The following LARGE1 variants were observed in gnomAD, a reference collection of about 807,000 sequenced individuals.
LARGE1 encodes xylosyl- and glucuronyltransferase LARGE1.
A neutral mutation model predicts 87.6 loss-of-function variants in LARGE1; 43 were observed. The ratio of observed to expected loss-of-function variants is 0.49; its 90% CI spans 0.38 to 0.63. The LOEUF (loss-of-function observed/expected upper bound fraction) is 0.63. LARGE1 is among the 30% of genes least tolerant of loss of function. The probability of loss-of-function intolerance (pLI) is 0.00; values close to 1 mark genes in which losing one functional copy is unlikely to be tolerated. For synonymous variants in LARGE1, 434 were observed against 394.6 expected (o/e 1.10, Z -1.18); for missense variants, 802 against 1,000.2 (o/e 0.80, Z 2.67).
chr22:33,463,409 A>G (rs941096491), intron 6 of LARGE1, among the ~76,000 whole-genome samples: 1 of 152,234 alleles, frequency 6.6e-6, no homozygotes, highest in Non-Finnish European at 1.5e-5. Context: ...TACAAGATGT[A>G]CAAGACTTTA....
rs532626240 is a variant in LARGE1 at position 33,572,212 on chromosome 22, C to G, written c.616-7193G>C. ...ATTTTAAAAAATTAAAAAAAGAAGT[C>G]ATCCCAGCTGCAGAATGTTTGAAAA... On this transcript the variant is annotated intron_variant, in intron 5 of 14. Coordinates refer to ENST00000397394, the MANE Select transcript of LARGE1 (RefSeq NM_133642.5). The G allele has an allele frequency of 1.9e-5, 24 of 1,286,760 alleles. No homozygotes were observed. In the East Asian group the frequency reaches 7.8e-4, roughly 42 times the overall value. The allele number at this position is 1,286,760 out of a possible 1,614,324, so 79.7% of individuals were successfully genotyped here.
At chr22:33,162,016 G>T (rs1412823380), downstream of LARGE1, among the ~76,000 whole-genome samples, 1 of 152,144 alleles carries the variant, frequency 6.6e-6, no homozygotes, top group Non-Finnish European at 1.5e-5. Flanking sequence ...CATTCAACAA[G>T]TCTCTAGGAA....
At chr22:33,385,678 A>G (rs1393325356) in intron 7 of LARGE1, among the ~76,000 whole-genome samples, 3 of 148,214 alleles carry the variant, frequency 2.0e-5, no homozygotes, top group African/African-American at 7.3e-5. Flanking sequence ...CAGGTCAGTT[A>G]GAGCAAGCAG....
chr22:33,757,188 G>A (rs1013181963), intron 2 of LARGE1, among the ~76,000 whole-genome samples: 5 of 151,956 alleles, frequency 3.3e-5, no homozygotes, highest in African/African-American at 1.2e-4. Context: ...CAACTGAGTC[G>A]CTGAAACAGG....
chr22:33,861,146 C>T (rs536998119), intron 1 of LARGE1, among the ~76,000 whole-genome samples: 15 of 152,256 alleles, frequency 9.9e-5, no homozygotes, highest in Admixed American at 2.0e-4. Flanking sequence ...CCCATCTGTG[C>T]GGCAAGGAAA....
At chr22:33,541,083 A>AGGGGGGGG (rs1167300904) in intron 6 of LARGE1, among the ~76,000 whole-genome samples, 1 of 59,116 alleles carries the variant, frequency 1.7e-5, no homozygotes, top group Non-Finnish European at 3.4e-5. Context: ...GGCGGGTTGC[A>AGGGGGGGG]GGGGGAGAAT....
chr22:33,700,087 T>C (rs1218929052), intron 2 of LARGE1, among the ~76,000 whole-genome samples: 1 of 152,076 alleles, frequency 6.6e-6, no homozygotes, highest in Non-Finnish European at 1.5e-5. Context: ...GAGCATGAGA[T>C]TTGTTGCCTC....
At chr22:33,113,856 T>C in the LARGE1 span, among the ~76,000 whole-genome samples, 3 of 149,606 alleles carry the variant, frequency 2.0e-5, no homozygotes, top group Admixed American at 2.0e-4. Flanking sequence ...GCTCCTCTTC[T>C]GAAAACTAGG....
chr22:33,591,063 T>C lies in LARGE1; in HGVS notation c.615+13372A>G, dbSNP rs559145481. Among the ~76,000 whole-genome samples, 8 of 152,098 alleles carry C rather than the reference T, an allele frequency of 5.3e-5. No individual in the cohort carries two copies. In the East Asian group the frequency reaches 1.5e-3, roughly 29 times the overall value. ...TAAAAATACAGAAATTAGCTGGGCG[T>C]GGTGGTGGGTGCCTGTAATTCCAGC... On this transcript the variant is annotated intron_variant, in intron 5 of 14. Transcript: ENST00000397394.
chr22:33,426,269 A>AAAAAC (rs1361235663), intron 7 of LARGE1, among the ~76,000 whole-genome samples: 2 of 152,332 alleles, frequency 1.3e-5, no homozygotes, highest in South Asian at 4.1e-4. Context: ...CACCCATTTA[A>AAAAAC]AAAACAAAAC....
At chr22:33,597,280 A>G (rs1228415906) in intron 5 of LARGE1, among the ~76,000 whole-genome samples, 2 of 24,772 alleles carry the variant, frequency 8.1e-5, no homozygotes, top group African/African-American at 2.9e-4. Flanking sequence ...TAATTCATGA[A>G]AAAAAAAAAA....
At chr22:33,430,249 G>A (rs908792950) in intron 7 of LARGE1, among the ~76,000 whole-genome samples, 1 of 152,176 alleles carries the variant, frequency 6.6e-6, no homozygotes, top group East Asian at 1.9e-4. Context: ...TGCCTCATAG[G>A]ATGAGTGTGA....
At chr22:33,688,953 C>T (rs1257884471) in intron 2 of LARGE1, among the ~76,000 whole-genome samples, 1 of 152,138 alleles carries the variant, frequency 6.6e-6, no homozygotes, top group African/African-American at 2.4e-5. Context: ...CCAGCACTGG[C>T]CCCAGCTTTG....
chr22:33,329,986 T>C (rs1461418877), intron 10 of LARGE1, among the ~76,000 whole-genome samples: 1 of 150,940 alleles, frequency 6.6e-6, no homozygotes, highest in Non-Finnish European at 1.5e-5. Flanking sequence ...TATTTCCTTA[T>C]GTTTCATTAA....
intron 11 of LARGE1, among the ~76,000 whole-genome samples, chr22:33,263,069 T>G (rs527499139): frequency 6.6e-6 from 1 of 152,064 alleles, no homozygotes; most frequent in African/African-American, 2.4e-5. Context: ...GTTTTTTGTA[T>G]TTTTAGTCGA....
the LARGE1 span, chr22:33,108,463 G>A: frequency 6.6e-6 from 1 of 152,156 alleles, no homozygotes; most frequent in African/African-American, 2.4e-5. Context: ...ACGGTGGGAA[G>A]AGAGCTGTTG....
intron 5 of LARGE1, among the ~76,000 whole-genome samples, chr22:33,572,706 C>T (rs1189059220): frequency 1.3e-5 from 2 of 151,916 alleles, no homozygotes; most frequent in Non-Finnish European, 2.9e-5. Context: ...CCCATCTCTA[C>T]TAAAAATGCA....
intron 6 of LARGE1, among the ~76,000 whole-genome samples, chr22:33,564,237 C>A (rs1281895026): frequency 6.6e-6 from 1 of 152,124 alleles, no homozygotes; most frequent in Non-Finnish European, 1.5e-5. Context: ...TGCTAACCTG[C>A]CACTTCTCTC....
chr22:33,169,315 T>G (rs556401918), intron 11 of LARGE1, among the ~76,000 whole-genome samples: 15 of 152,118 alleles, frequency 9.9e-5, no homozygotes, highest in Non-Finnish European at 2.1e-4. Context: ...AAATTCTGCT[T>G]GGAGACAGTG....
Sources: gnomAD v4.1 joint callset for allele counts (sites outside exome capture counted in the v4.1 genomes callset) on GRCh38, gnomAD v4.1.1 for gene constraint, MANE v1.5 for transcripts, NCBI Gene and HGNC (gene_info 2026-07-23, HGNC 2026-07-21) for gene names.